The following SPAG16 variants were observed in gnomAD, a reference collection of about 807,000 sequenced individuals.
The protein encoded by SPAG16 is sperm associated antigen 16, also known as sperm-associated antigen 16 protein.
SPAG16 carries 86 observed loss-of-function variants against 80.4 expected under a neutral mutation model. The observed-to-expected ratio is 1.07, with a 90% CI of 0.90 to 1.28. The LOEUF (loss-of-function observed/expected upper bound fraction) is 1.28, where lower values mean the gene tolerates loss of function less well. SPAG16 is among the 50% of genes most tolerant of loss of function. The pLI, the probability that SPAG16 is intolerant of heterozygous loss-of-function variation, is 0.00. For missense variants in SPAG16, 870 were observed against 765.3 expected (o/e 1.14, Z -1.61); for synonymous variants, 294 against 265.9 (o/e 1.11, Z -1.03).
At chr2:213,700,643 T>G (rs1272930534) in intron 10 of SPAG16, among the ~76,000 whole-genome samples, 1 of 152,226 alleles carries the variant, frequency 6.6e-6, no homozygotes, top group Admixed American at 6.5e-5. Context: ...GAAATGATTT[T>G]CATTCTTTTA....
chr2:213,436,169 A>G (rs2070626769), intron 9 of SPAG16, among the ~76,000 whole-genome samples: 1 of 152,192 alleles, frequency 6.6e-6, no homozygotes, highest in Non-Finnish European at 1.5e-5. Flanking sequence ...AAATCATTTA[A>G]TCACATTTTT....
At chr2:213,831,383 C>T (rs141111992) in intron 10 of SPAG16, among the ~76,000 whole-genome samples, 2 of 149,640 alleles carry the variant, frequency 1.3e-5, no homozygotes, top group Non-Finnish European at 3.0e-5. Context: ...TTTCTCCCTG[C>T]CAAAATGCTT....
intron 9 of SPAG16, among the ~76,000 whole-genome samples, chr2:213,426,283 G>A (rs916649025): frequency 3.3e-5 from 5 of 151,822 alleles, no homozygotes; most frequent in African/African-American, 1.2e-4. Flanking sequence ...TTTTTATTTA[G>A]CCAAATTTAC....
chr2:214,274,108 G>T (rs185040608), intron 15 of SPAG16, among the ~76,000 whole-genome samples: 294 of 152,184 alleles, frequency 1.9e-3, no homozygotes, highest in African/African-American at 6.4e-3. Context: ...GTCTGTTATT[G>T]GTGTATAGGA....
chr2:213,615,734 A>G (rs2061571891), intron 10 of SPAG16, among the ~76,000 whole-genome samples: 1 of 152,252 alleles, frequency 6.6e-6, no homozygotes, highest in South Asian at 2.1e-4. Flanking sequence ...AGATAATATT[A>G]GTTTGTTTTG....
chr2:213,837,285 A>G (rs1407391150), intron 10 of SPAG16, among the ~76,000 whole-genome samples: 1 of 152,340 alleles, frequency 6.6e-6, no homozygotes, highest in African/African-American at 2.4e-5. Context: ...TATTTACTAT[A>G]TAGGCCTTAT....
chr2:213,669,650 C>G (rs2063743935), intron 10 of SPAG16, among the ~76,000 whole-genome samples: 1 of 152,154 alleles, frequency 6.6e-6, no homozygotes. Flanking sequence ...GAATTCTCAT[C>G]TAGTCCTATG....
At chr2:213,964,517 CT>C (rs938152975) in intron 12 of SPAG16, among the ~76,000 whole-genome samples, 3 of 151,858 alleles carry the variant, frequency 2.0e-5, no homozygotes, top group East Asian at 1.9e-4. Flanking sequence ...AAAAATTCTT[CT>C]TTTTTTTCTG....
intron 15 of SPAG16, among the ~76,000 whole-genome samples, chr2:214,158,268 C>T (rs148120723): frequency 0.018 from 2,783 of 151,966 alleles, 78 homozygotes; most frequent in African/African-American, 0.063. Flanking sequence ...AATTTAAATG[C>T]TCCTCTATGC....
intron 10 of SPAG16, among the ~76,000 whole-genome samples, chr2:213,701,174 A>T (rs1229545332): frequency 1.3e-5 from 2 of 152,206 alleles, no homozygotes; most frequent in African/African-American, 4.8e-5. Flanking sequence ...CAAGAGGCAG[A>T]GGCTGCAGTG....
At chr2:213,834,639 A>C (rs1380270644) in intron 10 of SPAG16, among the ~76,000 whole-genome samples, 1 of 152,092 alleles carries the variant, frequency 6.6e-6, no homozygotes, top group Non-Finnish European at 1.5e-5. Flanking sequence ...GATTCCCCTC[A>C]GGAGAGAGGA....
intron 8 of SPAG16, among the ~76,000 whole-genome samples, chr2:213,370,925 A>G (rs999590977): frequency 3.3e-5 from 5 of 152,236 alleles, no homozygotes; most frequent in Admixed American, 6.5e-5. Context: ...TATCCCAACT[A>G]TCTAATCAAA....
chr2:213,427,877 A>C (rs561067399), intron 9 of SPAG16, among the ~76,000 whole-genome samples: 1 of 152,294 alleles, frequency 6.6e-6, no homozygotes, highest in East Asian at 1.9e-4. Flanking sequence ...TTCAGTGTAG[A>C]TTTAATTTTC....
intron 10 of SPAG16, among the ~76,000 whole-genome samples, chr2:213,728,145 G>A (rs779719633): frequency 7.9e-5 from 12 of 152,090 alleles, no homozygotes; most frequent in African/African-American, 2.2e-4. Context: ...CACTGCACCC[G>A]GCCAAATGAC....
intron 10 of SPAG16, among the ~76,000 whole-genome samples, chr2:213,690,530 A>C (rs145323819): frequency 6.6e-6 from 1 of 152,236 alleles, no homozygotes; most frequent in East Asian, 1.9e-4. Flanking sequence ...CTGATGAAGC[A>C]TGTTAATAGA....
chr2:213,469,698 G>T (rs1357984210), intron 9 of SPAG16, among the ~76,000 whole-genome samples: 1 of 151,522 alleles, frequency 6.6e-6, no homozygotes, highest in Non-Finnish European at 1.5e-5. Flanking sequence ...TAATCACAGG[G>T]CATGGTAATA....
chr2:213,982,180 C>G (rs1314774314), intron 12 of SPAG16, among the ~76,000 whole-genome samples: 1 of 149,296 alleles, frequency 6.7e-6, no homozygotes. Context: ...AGTTATTAAC[C>G]TATATTCTAA....
intron 14 of SPAG16, among the ~76,000 whole-genome samples, chr2:214,142,774 C>T (rs538913819): frequency 8.5e-5 from 13 of 152,228 alleles, no homozygotes; most frequent in South Asian, 2.1e-4. Context: ...CAACATTAGC[C>T]GGCAACTTTT....
chr2:213,944,145 C>T (rs1180709014), intron 12 of SPAG16, among the ~76,000 whole-genome samples: 1 of 152,168 alleles, frequency 6.6e-6, no homozygotes, highest in Non-Finnish European at 1.5e-5. Context: ...TGTGAACCCA[C>T]CAATGGGTGG....
Sources: allele counts gnomAD v4.1 joint callset (sites outside exome capture counted in the v4.1 genomes callset), GRCh38; gene constraint gnomAD v4.1.1; transcripts MANE v1.5; gene names NCBI Gene and HGNC (gene_info 2026-07-23, HGNC 2026-07-21).